The following BIRC6 variants were observed in gnomAD, a reference collection of about 807,000 sequenced individuals.
BIRC6 encodes dual E2 ubiquitin-conjugating enzyme/E3 ubiquitin-protein ligase BIRC6.
BIRC6 carries 98 observed loss-of-function variants against 503.3 expected under a neutral mutation model. That is an observed-to-expected ratio of 0.19 (90% CI 0.17 to 0.23). The LOEUF is 0.23. Among genes scored for constraint, BIRC6 ranks in the 10% least tolerant of loss-of-function variants. The probability of loss-of-function intolerance (pLI) is 1.00; values close to 1 mark genes in which losing one functional copy is unlikely to be tolerated. For missense variants in BIRC6, 5,360 were observed against 5,806.0 expected, an observed-to-expected ratio of 0.92 and a Z score of 2.50; for synonymous variants, 2,240 against 2,078.7, an observed-to-expected ratio of 1.08 and a Z score of -2.11.
chr2:32,466,103 T>G (rs1314733654), intron 26 of BIRC6, among the ~76,000 whole-genome samples: 3 of 152,174 alleles, frequency 2.0e-5, no homozygotes, highest in Non-Finnish European at 4.4e-5. Flanking sequence ...TTTTTAATAA[T>G]TTTTCTTGTT....
Position 32,529,644 on chromosome 2 carries a change from A to G in BIRC6, c.11921-7A>G. 1.9e-6 allele frequency: 3 copies of G among 1,578,230 alleles called. No individual in the cohort carries two copies. The highest frequency in any genetic ancestry group is 2.6e-6 in the Non-Finnish European group (3 of 1,165,908). ...TTTCCAGATTTAACTTAGTTATATC[A>G]TTTTAGGCCAGCCATTGCCAGCTGA... On this transcript the variant is annotated splice_polypyrimidine_tract_variant and splice_region_variant and intron_variant, in intron 59 of 73. Coordinates refer to ENST00000421745, the MANE Select transcript of BIRC6 (RefSeq NM_016252.4).
rs770358134 is a variant in BIRC6, at chr2:32,485,631, T to G, written c.7697-12T>G. The G allele has an allele frequency of 5.2e-5, 82 of 1,572,738 alleles. No individual in the cohort carries two copies. In the South Asian group the frequency reaches 8.5e-4, roughly 16 times the overall value. On this transcript the variant is annotated splice_polypyrimidine_tract_variant and intron_variant, in intron 39 of 73. Coordinates refer to ENST00000421745, the MANE Select transcript of BIRC6 (RefSeq NM_016252.4). The stretch of plus-strand genomic sequence containing the variant: ...GTCAATGTTTTCTTTTTCTTTCAAT[T>G]GCTTTTTGTAGCCCTGGATGCTCGC...
chr2:32,607,352 TG>T, intron 71 of BIRC6, 102 bp from the exon 72 acceptor site: 1 of 765,632 alleles, frequency 1.3e-6, no homozygotes, highest in Non-Finnish European at 2.0e-6. Context: ...TAGAAATTTG[TG>T]GAAACACATA....
intron 10 of BIRC6, among the ~76,000 whole-genome samples, chr2:32,421,089 T>C (rs929341045): frequency 3.4e-5 from 5 of 147,000 alleles, no homozygotes; most frequent in Non-Finnish European, 7.5e-5. Flanking sequence ...TCTTCTCTAG[T>C]TTCTTTCTTT....
chr2:32,449,250 T>C (rs189604506), intron 22 of BIRC6: 1 of 179,682 alleles, frequency 5.6e-6, no homozygotes, highest in Non-Finnish European at 1.2e-5. Context: ...CAGTTTTATT[T>C]GATGTATCTT....
At chr2:32,446,909 G>T (rs1216548970) in intron 21 of BIRC6, among the ~76,000 whole-genome samples, 1 of 124,658 alleles carries the variant, frequency 8.0e-6, no homozygotes, top group Non-Finnish European at 1.7e-5. Flanking sequence ...GCCTTCCGCA[G>T]TGTTTGTGTC....
At chr2:32,367,192 G>A (rs1573666621) in intron 1 of BIRC6, among the ~76,000 whole-genome samples, 1 of 152,002 alleles carries the variant, frequency 6.6e-6, no homozygotes. Flanking sequence ...CCTGGGCATG[G>A]TGGCTCATGC....
At chr2:32,588,272 C>T (rs536673797) in intron 66 of BIRC6, among the ~76,000 whole-genome samples, 1 of 152,118 alleles carries the variant, frequency 6.6e-6, no homozygotes, top group Non-Finnish European at 1.5e-5. Flanking sequence ...GGGAGAATTG[C>T]TGGAACCTGG....
intron 61 of BIRC6, chr2:32,532,065 G>C: frequency 1.9e-6 from 1 of 522,372 alleles, no homozygotes; most frequent in South Asian, 1.4e-5. Flanking sequence ...ATGGTGCATG[G>C]AGAGTTGTAA....
In BIRC6 at chr2:32,415,577, A is replaced by G. The variant is rs1225463359; in HGVS notation, c.2286A>G (p.Gln762=). 3 of 1,613,844 alleles carry G rather than the reference A, an allele frequency of 1.9e-6. No homozygotes were observed. Among genetic ancestry groups the G allele is most frequent in the Non-Finnish European group, 2.5e-6 (3 of 1,179,872 alleles). The stretch of plus-strand genomic sequence containing the variant: ...TTGAATCCTTGAGTGCAATAAATCA[A>G]GTAGAGGCCTTGAATAATTTAAATA... ...CPVESLSAIN[Q]VEALNNLNKL... The change falls in exon 10 of 74, where the codon CAA becomes CAG. Residue 762 remains glutamine (Q), a synonymous_variant. Transcript: ENST00000421745.
chr2:32,430,443 A>G (rs995012289), intron 11 of BIRC6, among the ~76,000 whole-genome samples: 12 of 152,166 alleles, frequency 7.9e-5, no homozygotes, highest in African/African-American at 2.9e-4. Flanking sequence ...TTTTATTCAT[A>G]TGTTATGTAC....
chr2:32,485,633 C>A lies in BIRC6; in HGVS notation c.7697-10C>A. ...CAATGTTTTCTTTTTCTTTCAATTG[C>A]TTTTTGTAGCCCTGGATGCTCGCCT... On this transcript the variant is annotated splice_polypyrimidine_tract_variant and intron_variant, in intron 39 of 73. Coordinates refer to ENST00000421745, the MANE Select transcript of BIRC6 (RefSeq NM_016252.4). The A allele has an allele frequency of 6.3e-7, 1 of 1,579,922 alleles. No individual in the cohort carries two copies. The highest frequency in any genetic ancestry group is 2.2e-5 in the East Asian group (1 of 44,550).
At chr2:32,504,907 A>C in intron 49 of BIRC6, 98 bp from the exon 50 acceptor site, 1 of 1,104,512 alleles carries the variant, frequency 9.1e-7, no homozygotes, top group Non-Finnish European at 1.3e-6. Flanking sequence ...TCATGTTTTC[A>C]ATTAATTTTT....
chr2:32,479,485 G>C lies in BIRC6; in HGVS notation c.7276G>C (p.Ala2426Pro), dbSNP rs143628711. The C allele has an allele frequency of 1.6e-4, 264 of 1,602,018 alleles. 4 individuals carry two copies. In the South Asian group the frequency reaches 2.5e-3, roughly 15 times the overall value. The change falls in exon 37 of 74, where the codon GCA becomes CCA. Residue 2426 changes from alanine to proline, a missense_variant. This residue lies in a region of BIRC6 where 2,299 missense variants were observed against 2,267.2 expected (regional missense o/e 1.01). Coordinates refer to ENST00000421745, the MANE Select transcript of BIRC6 (RefSeq NM_016252.4). ...LAGELLAPVA[A>P]EAMEEGTVGD... ...AGGAGAATTACTGGCTCCAGTAGCC[G>C]CAGAAGCCATGGAGGAAGGAACAGT...
chr2:32,399,771 A>G (rs1156882762), intron 6 of BIRC6, among the ~76,000 whole-genome samples: 5 of 151,740 alleles, frequency 3.3e-5, no homozygotes, highest in African/African-American at 1.2e-4. Context: ...TTATTTTTAT[A>G]TTTTAATTTA....
rs952593059 is a variant in BIRC6, at chr2:32,357,723, C to T, written c.325+237C>T. 4.6e-5 allele frequency among the ~76,000 whole-genome samples: 7 copies of T among 152,048 alleles called. No individual in the cohort carries two copies. The highest frequency in any genetic ancestry group is 2.6e-4 in the Admixed American group (4 of 15,268). ...CAGGGAGTGGTGGGAGGGGAGTTGC[C>T]TTTCGGGCCTGGAGCGTCCGGTCTG... On this transcript the variant is annotated intron_variant, in intron 1 of 73. Coordinates refer to ENST00000421745, the MANE Select transcript of BIRC6 (RefSeq NM_016252.4). The surrounding 1 kb of genome is among the most constrained non-coding windows in gnomAD (Gnocchi z 4.9).
chr2:32,516,978 G>T (rs2055120704), intron 55 of BIRC6, among the ~76,000 whole-genome samples: 1 of 152,080 alleles, frequency 6.6e-6, no homozygotes, highest in African/African-American at 2.4e-5. Context: ...AACTTTAGTA[G>T]TACCTAGAAA....
At chr2:32,419,248 C>G (rs1274379647) in intron 10 of BIRC6, among the ~76,000 whole-genome samples, 1 of 152,162 alleles carries the variant, frequency 6.6e-6, no homozygotes, top group Non-Finnish European at 1.5e-5. Flanking sequence ...GGATGTGACC[C>G]TGTCTTCTGA....
At chr2:32,497,352 A>G (rs79552932) in intron 45 of BIRC6, among the ~76,000 whole-genome samples, 3,027 of 152,306 alleles carry the variant, frequency 0.02, 73 homozygotes, top group African/African-American at 0.052. Context: ...TTCTCAAGGT[A>G]GACACCCTTG....
Sources: gnomAD v4.1 joint callset for allele counts (sites outside exome capture counted in the v4.1 genomes callset) on GRCh38, gnomAD v4.1.1 for gene constraint, gnomAD v4.1.1 regional missense constraint, Gnocchi (gnomAD v3.1) non-coding constraint, MANE v1.5 for transcripts, NCBI Gene and HGNC (gene_info 2026-07-23, HGNC 2026-07-21) for gene names.